The following NINL variants were observed in gnomAD, a reference collection of about 807,000 sequenced individuals.
The protein encoded by NINL is ninein-like protein.
A neutral mutation model predicts 160.3 loss-of-function variants in NINL; 153 were observed. The observed-to-expected ratio is 0.95, with a 90% CI of 0.84 to 1.09. The LOEUF is 1.09. NINL is among the 50% of genes least tolerant of loss of function. The pLI, the probability that NINL is intolerant of heterozygous loss-of-function variation, is 0.00. For missense variants in NINL, 1,829 were observed against 1,764.0 expected, an observed-to-expected ratio of 1.04 and a Z score of -0.66; for synonymous variants, 800 against 734.8, an observed-to-expected ratio of 1.09 and a Z score of -1.43.
chr20:25,541,148 C>T (rs1050389590), intron 1 of NINL, among the ~76,000 whole-genome samples: 6 of 152,192 alleles, frequency 3.9e-5, no homozygotes, highest in Admixed American at 6.5e-5. Flanking sequence ...TACCTATCAA[C>T]GCCAGACTCT....
At chr20:25,529,023 T>A (rs751169574) in intron 1 of NINL, among the ~76,000 whole-genome samples, 17 of 152,190 alleles carry the variant, frequency 1.1e-4, no homozygotes, top group Non-Finnish European at 2.9e-5. Flanking sequence ...AAAGAATGTA[T>A]GAGGAGTTGA....
chr20:25,453,476 A>C lies in NINL; in HGVS notation c.4124T>G (p.Ile1375Ser). ...VRALNKLVSR[I>S]APAALSV Reference sequence around the variant, plus strand: ...TTACACAGAGAGGGCTGCGGGGGCAATCCTACTGACGAGTTTGTTGAGAGC... The same window carrying C: ...TTACACAGAGAGGGCTGCGGGGGCACTCCTACTGACGAGTTTGTTGAGAGC... Residue 1375 changes from isoleucine (I) to serine (S), a missense_variant, in exon 24 of 24, where the codon ATT (isoleucine) becomes AGT (serine). Coordinates refer to ENST00000278886, the MANE Select transcript of NINL (RefSeq NM_025176.6). 1 of 1,612,202 alleles carries C rather than the reference A, an allele frequency of 6.2e-7. No individual in the cohort carries two copies. The highest frequency in any genetic ancestry group is 8.5e-7 in the Non-Finnish European group (1 of 1,179,216).
At chr20:25,539,688 C>G (rs1433919149) in intron 1 of NINL, among the ~76,000 whole-genome samples, 1 of 152,202 alleles carries the variant, frequency 6.6e-6, no homozygotes, top group African/African-American at 2.4e-5. Flanking sequence ...GAAATACAAC[C>G]AATGCAAATG....
chr20:25,458,740 A>C (rs2090759329), intron 21 of NINL: 1 of 553,072 alleles, frequency 1.8e-6, no homozygotes, highest in Admixed American at 3.5e-5. Context: ...ACAGTGCTAG[A>C]GTGCAGAAAA....
chr20:25,553,406 C>T (rs2064828374), intron 1 of NINL, among the ~76,000 whole-genome samples: 1 of 152,194 alleles, frequency 6.6e-6, no homozygotes, highest in African/African-American at 2.4e-5. Context: ...GCACACAGTA[C>T]AGGCCCCAGT....
intron 11 of NINL, 37 bp downstream of exon 11, chr20:25,491,314 C>G (rs774865622): frequency 7.6e-6 from 12 of 1,572,948 alleles, no homozygotes; most frequent in South Asian, 1.1e-5. Context: ...GCTCAGGCAC[C>G]CCCCCAGCTT....
chr20:25,563,145 G>A (rs890727569), intron 1 of NINL, among the ~76,000 whole-genome samples: 1 of 152,154 alleles, frequency 6.6e-6, no homozygotes, highest in South Asian at 2.1e-4. Flanking sequence ...CAGCCTGGGC[G>A]ACAGAGCAAG....
chr20:25,458,675 G>A (rs1448933511), intron 21 of NINL, 146 bp from the exon 22 acceptor site: 1 of 855,600 alleles, frequency 1.2e-6, no homozygotes, highest in Non-Finnish European at 1.8e-6. Flanking sequence ...TATTTAGAAG[G>A]AGCCCATTTC....
chr20:25,491,671 G>T, intron 10 of NINL, 146 bp from the exon 11 acceptor site: 1 of 915,044 alleles, frequency 1.1e-6, no homozygotes, highest in Non-Finnish European at 1.6e-6. Context: ...AGCTGCCCAT[G>T]CTGGGAGGCA....
At chr20:25,509,989 G>C (rs6050656) in intron 5 of NINL, among the ~76,000 whole-genome samples, 1 of 152,308 alleles carries the variant, frequency 6.6e-6, no homozygotes, top group South Asian at 2.1e-4. Flanking sequence ...CCAGAAATGC[G>C]GTGAGGGAGC....
Position 25,476,794 on chromosome 20 carries a change from C to T in NINL, c.2497G>A (p.Gly833Arg). Residue 833 changes from glycine to arginine, a missense_variant, in exon 17 of 24, where the codon GGG becomes AGG. Coordinates refer to ENST00000278886, the MANE Select transcript of NINL (RefSeq NM_025176.6). ...TCCTGGCCACTTCCTGCCACCAGCC[C>T]ATCTTTCGGCAGGGCCTGCATCTCT... ...EAEMQALPKD[G>R]LVAGSGQEGT... is the part of the protein sequence containing the mutation. The T allele has an allele frequency of 6.2e-7, 1 of 1,612,786 alleles. No homozygotes were observed. The highest frequency in any genetic ancestry group is 8.5e-7 in the Non-Finnish European group (1 of 1,179,930).
chr20:25,567,700 A>T (rs1023309222), intron 1 of NINL, among the ~76,000 whole-genome samples: 4 of 152,178 alleles, frequency 2.6e-5, no homozygotes, highest in Non-Finnish European at 5.9e-5. Flanking sequence ...ATATATCAAT[A>T]CATTTAAAAG....
chr20:25,497,751 G>C (rs574717109), intron 9 of NINL, among the ~76,000 whole-genome samples: 6 of 152,350 alleles, frequency 3.9e-5, no homozygotes, highest in Non-Finnish European at 5.9e-5. Flanking sequence ...CCTGGCGCGA[G>C]AGGCAGCGGC....
intron 1 of NINL, among the ~76,000 whole-genome samples, chr20:25,540,781 C>T (rs1453039801): frequency 1.3e-5 from 2 of 152,212 alleles, no homozygotes; most frequent in Non-Finnish European, 2.9e-5. Context: ...CAGCAGGAAT[C>T]AACCTTCACA....
intron 21 of NINL, 151 bp from the exon 22 acceptor site, chr20:25,458,680 C>T (rs1600983599): frequency 1.2e-6 from 1 of 831,816 alleles, no homozygotes; most frequent in Non-Finnish European, 1.8e-6. Context: ...AGAAGGAGCC[C>T]ATTTCTTTGG....
chr20:25,519,985 G>A (rs919222483), intron 2 of NINL, among the ~76,000 whole-genome samples: 3 of 59,898 alleles, frequency 5.0e-5, no homozygotes, highest in Admixed American at 5.4e-4. Flanking sequence ...GTGAGACCCC[G>A]TCTCAAAAAA....
chr20:25,454,714 C>T (rs1034954954), intron 23 of NINL, among the ~76,000 whole-genome samples: 3 of 152,178 alleles, frequency 2.0e-5, no homozygotes, highest in Non-Finnish European at 4.4e-5. Flanking sequence ...GCACCCCACA[C>T]CCGTGGGGTC....
intron 1 of NINL, among the ~76,000 whole-genome samples, chr20:25,561,776 G>A (rs2064941948): frequency 1.3e-5 from 2 of 151,150 alleles, no homozygotes; most frequent in East Asian, 4.0e-4. Flanking sequence ...CGTCTGAGAA[G>A]TGAGGAGACC....
At chr20:25,540,855 T>C (rs1426478683) in intron 1 of NINL, among the ~76,000 whole-genome samples, 1 of 152,174 alleles carries the variant, frequency 6.6e-6, no homozygotes, top group Non-Finnish European at 1.5e-5. Context: ...TTTTCGCTTA[T>C]TTTTCAAAAT....
Sources: allele counts gnomAD v4.1 joint callset (sites outside exome capture counted in the v4.1 genomes callset), GRCh38; gene constraint gnomAD v4.1.1; transcripts MANE v1.5; gene names NCBI Gene and HGNC (gene_info 2026-07-23, HGNC 2026-07-21).